EPB41L3: variants seen among roughly 807,000 people sequenced by gnomAD.
EPB41L3 encodes erythrocyte membrane protein band 4.1 like 3.
EPB41L3 carries 57 observed loss-of-function variants against 127.1 expected under a neutral mutation model. The observed-to-expected ratio is 0.45, with a 90% confidence interval of 0.36 to 0.56. The LOEUF is 0.56. EPB41L3 is among the 20% of genes least tolerant of loss of function. The pLI, the probability that EPB41L3 is intolerant of heterozygous loss-of-function variation, is 0.00. For missense variants in EPB41L3, 1,273 were observed against 1,372.2 expected (o/e 0.93, Z 1.14); for synonymous variants, 572 against 549.5 (o/e 1.04, Z -0.57).
At chr18:5,513,098 A>C (rs983692669) in intron 1 of EPB41L3, among the ~76,000 whole-genome samples, 1 of 152,098 alleles carries the variant, frequency 6.6e-6, no homozygotes, top group African/African-American at 2.4e-5. Context: ...CTCTCTCCCA[A>C]GTTTTTCTGA....
At chr18:5,520,824 C>T (rs1187262025) in intron 1 of EPB41L3, among the ~76,000 whole-genome samples, 1 of 152,162 alleles carries the variant, frequency 6.6e-6, no homozygotes, top group Non-Finnish European at 1.5e-5. Flanking sequence ...AATGGAAGCA[C>T]TGAATAAGAT....
intron 14 of EPB41L3, among the ~76,000 whole-genome samples, chr18:5,408,280 T>C (rs954845613): frequency 1.5e-4 from 23 of 150,154 alleles, no homozygotes; most frequent in Non-Finnish European, 2.4e-4. Context: ...TTTCTTTTTT[T>C]TTTTTTTTTT....
intron 1 of EPB41L3, among the ~76,000 whole-genome samples, chr18:5,531,137 T>G (rs1444496074): frequency 2.6e-5 from 4 of 152,288 alleles, no homozygotes; most frequent in African/African-American, 9.6e-5. Flanking sequence ...TCACAATAGT[T>G]CTGAAAAAAG....
At chr18:5,630,173 C>G (rs1331288820), upstream of EPB41L3, among the ~76,000 whole-genome samples, 2 of 152,180 alleles carry the variant, frequency 1.3e-5, no homozygotes, top group Non-Finnish European at 2.9e-5. Flanking sequence ...CGTCCCTAGT[C>G]TCCAGGTGCC....
chr18:5,600,738 A>AAACCATTAAAATGAATACAGAG (rs1209059610), intron 3 of EPB41L3, among the ~76,000 whole-genome samples: 1 of 152,202 alleles, frequency 6.6e-6, no homozygotes, highest in Non-Finnish European at 1.5e-5. Flanking sequence ...CTAATCATTA[A>AAACCATTAAAATGAATACAGAG]AACCATTAAA....
intron 16 of EPB41L3, chr18:5,399,067 G>A (rs1484359640): frequency 2.5e-6 from 1 of 398,996 alleles, no homozygotes; most frequent in Non-Finnish European, 4.4e-6. Context: ...TCCATTTTCT[G>A]AAGTGCTTCT....
chr18:5,583,909 T>A (rs191378971), intron 3 of EPB41L3, among the ~76,000 whole-genome samples: 379 of 152,214 alleles, frequency 2.5e-3, no homozygotes, highest in African/African-American at 8.6e-3. Flanking sequence ...CCCGGGTTCA[T>A]GCGATTCTCC....
chr18:5,413,562 C>T (rs1017116075), intron 13 of EPB41L3, among the ~76,000 whole-genome samples: 2 of 152,202 alleles, frequency 1.3e-5, no homozygotes, highest in Non-Finnish European at 2.9e-5. Context: ...CTCAGTGTAG[C>T]TGCCACAGTG....
intron 5 of EPB41L3, among the ~76,000 whole-genome samples, chr18:5,442,791 A>T (rs2080971716): frequency 6.6e-6 from 1 of 151,746 alleles, no homozygotes. Flanking sequence ...AATTTTAAAA[A>T]CTCCTCCTTC....
intron 3 of EPB41L3, among the ~76,000 whole-genome samples, chr18:5,566,830 G>A (rs1186617087): frequency 1.5e-5 from 2 of 135,752 alleles, no homozygotes; most frequent in Non-Finnish European, 3.2e-5. Flanking sequence ...TTTGGAGATG[G>A]AGTCTCACTC....
intron 3 of EPB41L3, among the ~76,000 whole-genome samples, chr18:5,594,422 C>T (rs1018483228): frequency 1.3e-5 from 2 of 152,072 alleles, no homozygotes; most frequent in Non-Finnish European, 2.9e-5. Context: ...CCTGTGTGAC[C>T]TCATTTTAAG....
At chr18:5,429,946 G>A (rs1488876242) in intron 8 of EPB41L3, among the ~76,000 whole-genome samples, 1 of 152,116 alleles carries the variant, frequency 6.6e-6, no homozygotes, top group African/African-American at 2.4e-5. Context: ...GCAGAGTGCA[G>A]GAACGAGGAC....
At chr18:5,556,260 G>A (rs2094034204) in intron 3 of EPB41L3, among the ~76,000 whole-genome samples, 1 of 151,244 alleles carries the variant, frequency 6.6e-6, no homozygotes, top group African/African-American at 2.5e-5. Context: ...CAAACAAAAA[G>A]ACAGAAAATC....
intron 1 of EPB41L3, among the ~76,000 whole-genome samples, chr18:5,618,096 C>T (rs910782417): frequency 3.3e-5 from 5 of 152,224 alleles, no homozygotes; most frequent in Middle Eastern, 3.4e-3. Context: ...CTCTTCTCTC[C>T]GGGCAAATAA....
intron 3 of EPB41L3, among the ~76,000 whole-genome samples, chr18:5,581,565 T>C (rs994691866): frequency 2.6e-5 from 4 of 152,214 alleles, no homozygotes; most frequent in East Asian, 3.9e-4. Flanking sequence ...TATCTCAACA[T>C]ATAAGAACCA....
At chr18:5,471,242 G>A (rs1202802128) in intron 3 of EPB41L3, among the ~76,000 whole-genome samples, 1 of 152,178 alleles carries the variant, frequency 6.6e-6, no homozygotes, top group Non-Finnish European at 1.5e-5. Context: ...TTCTGAAGAA[G>A]CAGTTGAAAG....
At chr18:5,414,582 CT>C (rs1304476463) in intron 13 of EPB41L3, among the ~76,000 whole-genome samples, 3 of 152,084 alleles carry the variant, frequency 2.0e-5, no homozygotes, top group African/African-American at 7.2e-5. Flanking sequence ...ATTGCCTTGA[CT>C]TTGTGACTTT....
chr18:5,426,893 A>G (rs1323220478), intron 9 of EPB41L3, among the ~76,000 whole-genome samples: 1 of 152,214 alleles, frequency 6.6e-6, no homozygotes, highest in Non-Finnish European at 1.5e-5. Flanking sequence ...AATATTTTTA[A>G]AACACTATAA....
intron 8 of EPB41L3, among the ~76,000 whole-genome samples, chr18:5,432,093 C>T (rs375520506): frequency 2.0e-5 from 3 of 152,232 alleles, no homozygotes; most frequent in East Asian, 1.9e-4. Context: ...GAGTGATCCG[C>T]GGCAAAACCA....
Sources: allele counts gnomAD v4.1 joint callset (sites outside exome capture counted in the v4.1 genomes callset), GRCh38; gene constraint gnomAD v4.1.1; transcripts MANE v1.5; gene names NCBI Gene and HGNC (gene_info 2026-07-23, HGNC 2026-07-21).